Variants in UGT1A8 observed in about 807,000 individuals in gnomAD.
UGT1A8 encodes the protein UDP-glucuronosyltransferase 1A8.
A neutral mutation model predicts 45.3 loss-of-function variants in UGT1A8; 39 were observed. The ratio of observed to expected loss-of-function variants is 0.86; its 90% CI spans 0.67 to 1.12. The LOEUF (loss-of-function observed/expected upper bound fraction) is 1.12. Among genes scored for constraint, UGT1A8 ranks in the 50% most tolerant of loss-of-function variants. The probability of loss-of-function intolerance (pLI) is 0.00; values close to 1 mark genes in which losing one functional copy is unlikely to be tolerated. For synonymous variants in UGT1A8, 275 were observed against 249.2 expected (o/e 1.10, Z -0.97); for missense variants, 719 against 664.9 (o/e 1.08, Z -0.90).
chr2:233,738,373 AC>A (rs1456514081), intron 1 of UGT1A8, among the ~76,000 whole-genome samples: 3 of 152,222 alleles, frequency 2.0e-5, no homozygotes, highest in Non-Finnish European at 4.4e-5. Context: ...CTATAAAACT[AC>A]TTGAAAATGT....
chr2:233,772,155 C>T, intron 4 of UGT1A8, 107 bp from the exon 5 acceptor site: 1 of 1,559,740 alleles, frequency 6.4e-7, no homozygotes, highest in Non-Finnish European at 8.7e-7. Context: ...GGTTTCCTTT[C>T]CCAAGTTTGG....
intron 1 of UGT1A8, among the ~76,000 whole-genome samples, chr2:233,700,285 C>T (rs1355294165): frequency 6.6e-6 from 1 of 152,200 alleles, no homozygotes; most frequent in Non-Finnish European, 1.5e-5. Flanking sequence ...TTTTAAAATA[C>T]GTGACTTAGG....
intron 1 of UGT1A8, among the ~76,000 whole-genome samples, chr2:233,638,781 C>T (rs991946144): frequency 3.3e-5 from 5 of 152,092 alleles, no homozygotes; most frequent in Admixed American, 6.5e-5. Flanking sequence ...AAAGAGTGAC[C>T]GTTCAGCCAT....
intron 1 of UGT1A8, among the ~76,000 whole-genome samples, chr2:233,666,187 A>G (rs1322322337): frequency 6.6e-6 from 1 of 152,082 alleles, no homozygotes; most frequent in African/African-American, 2.4e-5. Flanking sequence ...TTTTTTTAAT[A>G]ATCAGTTCTT....
intron 1 of UGT1A8, among the ~76,000 whole-genome samples, chr2:233,705,638 G>A (rs2075862105): frequency 6.6e-6 from 1 of 152,200 alleles, no homozygotes; most frequent in African/African-American, 2.4e-5. Flanking sequence ...GTTCTAGGAA[G>A]TTGAAGGTCT....
At chr2:233,672,159 G>T in intron 1 of UGT1A8, 1 of 1,614,202 alleles carries the variant, frequency 6.2e-7, no homozygotes, top group Non-Finnish European at 8.5e-7. Context: ...GCACAGTGAA[G>T]ACTTATTCAA....
At chr2:233,638,199 G>C (rs1175053491) in intron 1 of UGT1A8, among the ~76,000 whole-genome samples, 1 of 151,964 alleles carries the variant, frequency 6.6e-6, no homozygotes, top group African/African-American at 2.4e-5. Flanking sequence ...TTCAGATCTT[G>C]TTTTATATAC....
At chr2:233,728,661 G>A (rs577951721) in intron 1 of UGT1A8, among the ~76,000 whole-genome samples, 3 of 152,294 alleles carry the variant, frequency 2.0e-5, no homozygotes, top group South Asian at 2.1e-4. Flanking sequence ...GATGCGCTGC[G>A]TTACTCATAC....
At chr2:233,665,866 A>T (rs1415820386) in intron 1 of UGT1A8, among the ~76,000 whole-genome samples, 1 of 152,176 alleles carries the variant, frequency 6.6e-6, no homozygotes, top group African/African-American at 2.4e-5. Context: ...GCCAGACAAT[A>T]TTTACAAGCG....
intron 1 of UGT1A8, among the ~76,000 whole-genome samples, chr2:233,725,186 A>G (rs1269507172): frequency 2.2e-4 from 19 of 86,472 alleles, no homozygotes; most frequent in Admixed American, 2.0e-4. Context: ...GGGGAGAGGC[A>G]GAGGCAGAGG....
intron 1 of UGT1A8, among the ~76,000 whole-genome samples, chr2:233,624,157 T>G (rs895190281): frequency 1.3e-5 from 2 of 152,146 alleles, no homozygotes; most frequent in Admixed American, 1.3e-4. Flanking sequence ...TAAAGTCTGT[T>G]TCCTTCAGAT....
intron 1 of UGT1A8, among the ~76,000 whole-genome samples, chr2:233,681,000 G>A (rs959900572): frequency 1.3e-5 from 2 of 151,994 alleles, no homozygotes; most frequent in African/African-American, 4.8e-5. Flanking sequence ...TCTCATTACA[G>A]CATTTCAGAG....
chr2:233,638,472 T>C (rs1278934540), intron 1 of UGT1A8, among the ~76,000 whole-genome samples: 10 of 152,226 alleles, frequency 6.6e-5, no homozygotes, highest in African/African-American at 9.6e-5. Context: ...CTGATATTTG[T>C]ACTGCTTCTT....
chr2:233,617,749 T>A lies in UGT1A8; in HGVS notation c.42T>A (p.Val14=), dbSNP rs765421655. The A allele has an allele frequency of 5.6e-6, 9 of 1,614,136 alleles. No individual in the cohort carries two copies. Among genetic ancestry groups the A allele is most frequent in the Non-Finnish European group, 7.6e-6 (9 of 1,180,014 alleles). The change falls in exon 1 of 5, where the codon GTT becomes GTA. Residue 14 remains valine (V), a synonymous_variant. Coordinates refer to ENST00000373450, the MANE Select transcript of UGT1A8 (RefSeq NM_019076.5). ...GGACCAGCCCCATTCCCCTATGTGTTTCTCTGCTGCTGACCTGTGGCTTTG... is the reference window on the plus strand; with the variant it reads ...GGACCAGCCCCATTCCCCTATGTGTATCTCTGCTGCTGACCTGTGGCTTTG... ...TGWTSPIPLC[V]SLLLTCGFAE...
chr2:233,738,612 A>G (rs1461188273), intron 1 of UGT1A8, among the ~76,000 whole-genome samples: 3 of 152,202 alleles, frequency 2.0e-5, no homozygotes, highest in African/African-American at 7.2e-5. Context: ...TAGCAAAGAA[A>G]CTCGTGGCAT....
intron 1 of UGT1A8, among the ~76,000 whole-genome samples, chr2:233,634,587 T>C (rs959110903): frequency 4.7e-4 from 72 of 152,220 alleles, no homozygotes; most frequent in African/African-American, 1.7e-3. Flanking sequence ...TGATCTCTGT[T>C]GATTTAAAGT....
chr2:233,626,882 C>A (rs574842655), intron 1 of UGT1A8, among the ~76,000 whole-genome samples: 1 of 151,978 alleles, frequency 6.6e-6, no homozygotes, highest in African/African-American at 2.4e-5. Context: ...AAAGACAGTC[C>A]CTTACTGGCA....
At chr2:233,712,531 C>G (rs1471735074) in intron 1 of UGT1A8, among the ~76,000 whole-genome samples, 1 of 152,178 alleles carries the variant, frequency 6.6e-6, no homozygotes, top group Non-Finnish European at 1.5e-5. Flanking sequence ...CTGTGTTACC[C>G]ATATGTGGGA....
chr2:233,733,436 G>A (rs2078397447), intron 1 of UGT1A8, among the ~76,000 whole-genome samples: 1 of 152,134 alleles, frequency 6.6e-6, no homozygotes, highest in South Asian at 2.1e-4. Context: ...TATGATATTG[G>A]CTGCGGGTTT....
Sources: allele counts gnomAD v4.1 joint callset (sites outside exome capture counted in the v4.1 genomes callset), GRCh38; gene constraint gnomAD v4.1.1; transcripts MANE v1.5; gene names NCBI Gene and HGNC (gene_info 2026-07-23, HGNC 2026-07-21).